EYS: variants seen among roughly 807,000 people sequenced by gnomAD.
EYS encodes the protein EGF-like photoreceptor maintenance factor.
A neutral mutation model predicts 282.1 loss-of-function variants in EYS; 250 were observed. The ratio of observed to expected loss-of-function variants is 0.89; its 90% CI spans 0.80 to 0.98. The LOEUF is 0.98. Ranked by LOEUF, EYS falls within the 50% of genes least tolerant of loss-of-function variation. EYS has a pLI of 0.00. For synonymous variants in EYS, 1,355 were observed against 1,282.9 expected (o/e 1.06, Z -1.20); for missense variants, 4,016 against 3,709.0 (o/e 1.08, Z -2.15).
At chr6:64,925,439 C>G (rs1330219993) in intron 15 of EYS, among the ~76,000 whole-genome samples, 1 of 151,344 alleles carries the variant, frequency 6.6e-6, no homozygotes, top group Non-Finnish European at 1.5e-5. Context: ...GGTGGCTTCT[C>G]AAATGCTCAT....
intron 12 of EYS, among the ~76,000 whole-genome samples, chr6:65,181,713 T>G (rs1209154759): frequency 1.3e-5 from 2 of 152,110 alleles, no homozygotes; most frequent in Non-Finnish European, 1.5e-5. Context: ...ACTGGGTATA[T>G]ACCCAAAGGA....
intron 30 of EYS, among the ~76,000 whole-genome samples, chr6:64,261,817 T>A (rs1411029460): frequency 6.6e-6 from 1 of 151,880 alleles, no homozygotes; most frequent in African/African-American, 2.4e-5. Flanking sequence ...TGGAGTGTAG[T>A]TGCATCTTGG....
At chr6:64,265,318 G>C (rs1010930113) in intron 30 of EYS, among the ~76,000 whole-genome samples, 22 of 152,128 alleles carry the variant, frequency 1.4e-4, no homozygotes, top group Admixed American at 1.4e-3. Context: ...TGAAAGAAAA[G>C]ACTAATAATA....
intron 2 of EYS, among the ~76,000 whole-genome samples, chr6:65,575,669 T>A (rs551232495): frequency 8.6e-5 from 13 of 151,852 alleles, no homozygotes; most frequent in African/African-American, 2.9e-4. Flanking sequence ...TGTGTTCTTT[T>A]AAACTAAACA....
At chr6:63,833,582 A>G (rs1183829495) in intron 36 of EYS, among the ~76,000 whole-genome samples, 4 of 152,224 alleles carry the variant, frequency 2.6e-5, no homozygotes, top group Non-Finnish European at 5.9e-5. Context: ...ATGGAAGACC[A>G]TTCCATGCTC....
chr6:65,440,441 A>C (rs1244487492), intron 5 of EYS, among the ~76,000 whole-genome samples: 1 of 151,828 alleles, frequency 6.6e-6, no homozygotes, highest in East Asian at 1.9e-4. Flanking sequence ...AATTTAATAC[A>C]TTTTCTAAAT....
At chr6:64,413,518 C>G (rs1475458160) in intron 28 of EYS, among the ~76,000 whole-genome samples, 2 of 108,960 alleles carry the variant, frequency 1.8e-5, no homozygotes, top group Non-Finnish European at 3.8e-5. Flanking sequence ...GAAGGCTATT[C>G]TTGTCCAAAC....
chr6:65,094,741 GTT>G (rs755237299), intron 12 of EYS, among the ~76,000 whole-genome samples: 1 of 140,414 alleles, frequency 7.1e-6, no homozygotes, highest in Non-Finnish European at 1.6e-5. Flanking sequence ...ATTGAGGGAA[GTT>G]TATAGTTATA....
intron 35 of EYS, among the ~76,000 whole-genome samples, chr6:63,897,384 T>C (rs1477511826): frequency 6.6e-6 from 1 of 152,142 alleles, no homozygotes; most frequent in Non-Finnish European, 1.5e-5. Flanking sequence ...CTGGGTGCCC[T>C]CTGAATGCTA....
intron 29 of EYS, among the ~76,000 whole-genome samples, chr6:64,333,986 T>C (rs1363200989): frequency 6.6e-6 from 1 of 152,168 alleles, no homozygotes; most frequent in Non-Finnish European, 1.5e-5. Context: ...CAAATCCAAG[T>C]GTTTAGCTAT....
At chr6:64,760,509 G>T (rs1037606290) in intron 22 of EYS, among the ~76,000 whole-genome samples, 14 of 152,082 alleles carry the variant, frequency 9.2e-5, no homozygotes, top group African/African-American at 3.4e-4. Flanking sequence ...GAGTGAGTCC[G>T]AAGAAGTCTG....
chr6:64,213,233 A>T (rs933720271), intron 31 of EYS, among the ~76,000 whole-genome samples: 1 of 152,092 alleles, frequency 6.6e-6, no homozygotes. Context: ...GTTAAAAAAA[A>T]TTTCAACATA....
chr6:65,506,282 G>A (rs1225476252), intron 2 of EYS, among the ~76,000 whole-genome samples: 1 of 151,764 alleles, frequency 6.6e-6, no homozygotes, highest in Admixed American at 6.6e-5. Flanking sequence ...TCTCCACTCT[G>A]ATAAGCAATT....
chr6:65,106,900 GATGGCCACTAC>G (rs1775055733), intron 12 of EYS, among the ~76,000 whole-genome samples: 1 of 152,016 alleles, frequency 6.6e-6, no homozygotes, highest in African/African-American at 2.4e-5. Context: ...TTTATAGATA[GATGGCCACTAC>G]ATGGCTGGGT....
At position 65,256,321 on chromosome 6, in the gene EYS, A is replaced by T. The variant is rs536582181; in HGVS notation, c.2023+39542T>A. ...TTTAGGGTACATGTGCACATTGTGC[A>T]GGTTAGTTACATATGTATACATGTG... On this transcript the variant is annotated intron_variant, in intron 12 of 42. Transcript: ENST00000503581. 4.8e-4 allele frequency among the ~76,000 whole-genome samples: 65 copies of T among 136,084 alleles called. No homozygotes were observed. The South Asian group carries it at 8.2e-3, about 17-fold the overall frequency. 89.3% of individuals were successfully genotyped at this position (136,084 alleles called of 152,430 possible). A position where few individuals can be genotyped will look rare whatever the true frequency, so the allele number is the denominator to read the frequency against.
intron 8 of EYS, among the ~76,000 whole-genome samples, chr6:65,376,117 A>C (rs1765355846): frequency 6.6e-6 from 1 of 152,190 alleles, no homozygotes; most frequent in African/African-American, 2.4e-5. Context: ...TGTTAAGGGC[A>C]GCCAGAGAGA....
Position 65,203,873 on chromosome 6 carries a change from T to A in EYS, c.2023+91990A>T, listed in dbSNP as rs1022516776. The stretch of plus-strand genomic sequence containing the variant: ...TGAGATAAAAGACAAAATAGATATA[T>A]TTTTTAAATAACTGGAAATAAAAAA... On this transcript the variant is annotated intron_variant, in intron 12 of 42. Coordinates refer to ENST00000503581, the MANE Select transcript of EYS (RefSeq NM_001142800.2). Among the ~76,000 whole-genome samples the A allele has an allele frequency of 1.6e-3, 249 of 151,820 alleles. 4 individuals are homozygous for A. The highest frequency in any genetic ancestry group is 6.8e-3 in the Middle Eastern group (2 of 294).
At chr6:65,394,844 A>T (rs759141173) in intron 7 of EYS, among the ~76,000 whole-genome samples, 3 of 151,912 alleles carry the variant, frequency 2.0e-5, no homozygotes, top group Non-Finnish European at 4.4e-5. Flanking sequence ...TCACAGCCCA[A>T]TGTCTACATG....
rs1777544214 is a variant in EYS at position 64,515,831 on chromosome 6, G to C, written c.5644+74392C>G. Among the ~76,000 whole-genome samples the C allele has an allele frequency of 2.0e-5, 3 of 151,550 alleles. No individual in the cohort carries two copies. In the South Asian group the frequency reaches 6.2e-4, roughly 31 times the overall value. Reference sequence around the variant, plus strand: ...AAACCTTAACTCTGGCTGTAACTATGCTTTATGGCAATACCCAAATATCTT... The same window carrying C: ...AAACCTTAACTCTGGCTGTAACTATCCTTTATGGCAATACCCAAATATCTT... On this transcript the variant is annotated intron_variant, in intron 26 of 42. Coordinates refer to ENST00000503581, the MANE Select transcript of EYS (RefSeq NM_001142800.2).
Sources: gnomAD v4.1 joint callset for allele counts (sites outside exome capture counted in the v4.1 genomes callset) on GRCh38, gnomAD v4.1.1 for gene constraint, MANE v1.5 for transcripts, NCBI Gene and HGNC (gene_info 2026-07-23, HGNC 2026-07-21) for gene names.